Variants in ILDR1 observed in about 807,000 individuals in gnomAD.
The protein encoded by ILDR1 is immunoglobulin like domain containing receptor 1.
Under a neutral mutation model 62.4 loss-of-function variants are expected in ILDR1, and 56 were observed. The ratio of observed to expected loss-of-function variants is 0.90; its 90% CI spans 0.72 to 1.12. The LOEUF is 1.12. Among genes scored for constraint, ILDR1 ranks in the 50% most tolerant of loss-of-function variants. The probability of loss-of-function intolerance (pLI) is 0.00; values close to 1 mark genes in which losing one functional copy is unlikely to be tolerated. For synonymous variants in ILDR1, 284 were observed against 277.8 expected (o/e 1.02, Z -0.22); for missense variants, 736 against 710.6 (o/e 1.04, Z -0.41).
chr3:122,052,650 T>G, the ILDR1 span, among the ~76,000 whole-genome samples: 1 of 152,168 alleles, frequency 6.6e-6, no homozygotes, highest in African/African-American at 2.4e-5. Context: ...CTCGGCTCAC[T>G]GCAACCTCCG....
the ILDR1 span, among the ~76,000 whole-genome samples, chr3:122,044,970 T>A: frequency 1.3e-5 from 2 of 149,322 alleles, no homozygotes; most frequent in African/African-American, 4.9e-5. Flanking sequence ...CTTTTGAATG[T>A]GTTTGCTCTT....
chr3:122,035,931 G>C, the ILDR1 span, among the ~76,000 whole-genome samples: 1 of 152,208 alleles, frequency 6.6e-6, no homozygotes, highest in Non-Finnish European at 1.5e-5. Context: ...GGAGGGCTCA[G>C]AAGAAGATAG....
the ILDR1 span, among the ~76,000 whole-genome samples, chr3:122,061,154 G>A: frequency 5.9e-5 from 9 of 152,198 alleles, no homozygotes; most frequent in African/African-American, 1.4e-4. Context: ...GTCAATACAC[G>A]CCAGAAAATG....
the ILDR1 span, among the ~76,000 whole-genome samples, chr3:122,052,596 C>T: frequency 0.17 from 26,512 of 152,106 alleles, 2,478 homozygotes; most frequent in South Asian, 0.26. Context: ...TGTTTTGAGA[C>T]GGAGCGTCGC....
chr3:122,032,936 C>A, the ILDR1 span, among the ~76,000 whole-genome samples: 1 of 152,214 alleles, frequency 6.6e-6, no homozygotes, highest in Admixed American at 6.5e-5. Context: ...AACCATACAG[C>A]CAAGCTGCTG....
chr3:122,010,345 C>T lies in ILDR1; in HGVS notation c.59-3184G>A, dbSNP rs148276778. Among the ~76,000 whole-genome samples the T allele has an allele frequency of 2.3e-3, 343 of 152,158 alleles. 1 individual carries two copies. The highest frequency in any genetic ancestry group is 7.8e-3 in the African/African-American group (326 of 41,536). On this transcript the variant is annotated intron_variant, in intron 1 of 7. Coordinates refer to ENST00000344209, the MANE Select transcript of ILDR1 (RefSeq NM_001199799.2). ...CATCACTGAAGTCTTTTCTGAAGAA[C>T]AGTAATACAGTGAAAGTGGTGTTTT...
Position 121,988,288 on chromosome 3 carries a change from A to C in ILDR1, c.*79T>G, listed in dbSNP as rs1324737190. On this transcript the variant is annotated 3_prime_UTR_variant, in exon 8 of 8. Coordinates refer to ENST00000344209, the MANE Select transcript of ILDR1 (RefSeq NM_001199799.2). ...GTTAGACTCAGACTTGCAGTTCCCA[A>C]GTCAGCTGGAAACCTAGGTGATGCT... The C allele has an allele frequency of 1.7e-6, 2 of 1,199,554 alleles. No individual in the cohort carries two copies. The highest frequency in any genetic ancestry group is 1.5e-5 in the African/African-American group (1 of 66,986). The allele number at this position is 1,199,554 out of a possible 1,614,324, so 74.3% of individuals were successfully genotyped here.
intron 4 of ILDR1, 76 bp downstream of exon 4, chr3:122,001,667 GTT>G (rs35657414): frequency 0.019 from 25,861 of 1,381,994 alleles, no homozygotes; most frequent in East Asian, 0.048. Flanking sequence ...CTTATTTCTG[GTT>G]TTTTTTTTTT....
chr3:122,044,568 A>T, the ILDR1 span, among the ~76,000 whole-genome samples: 1 of 151,140 alleles, frequency 6.6e-6, no homozygotes, highest in African/African-American at 2.4e-5. Context: ...TGGTTGGTAA[A>T]CTATTGATTA....
intron 1 of ILDR1, among the ~76,000 whole-genome samples, chr3:122,015,508 T>C (rs924481236): frequency 2.6e-5 from 4 of 152,056 alleles, no homozygotes; most frequent in African/African-American, 7.3e-5. Flanking sequence ...CTTGGGGTGG[T>C]TTCCCCATTC....
the ILDR1 span, among the ~76,000 whole-genome samples, chr3:122,047,768 C>T: frequency 5.3e-5 from 8 of 152,362 alleles, no homozygotes; most frequent in South Asian, 2.1e-4. Context: ...CGCCCTGCTT[C>T]GGCTTGCGCA....
the ILDR1 span, among the ~76,000 whole-genome samples, chr3:122,029,709 G>A: frequency 0.23 from 34,644 of 151,508 alleles, 4,362 homozygotes; most frequent in African/African-American, 0.32. Context: ...GATAGATGGT[G>A]CCTATTATTT....
intron 1 of ILDR1, among the ~76,000 whole-genome samples, chr3:122,008,564 ATTTCT>A (rs1220519103): frequency 0.037 from 4,581 of 124,504 alleles, 111 homozygotes; most frequent in African/African-American, 0.067. Context: ...CGCATTTTTT[ATTTCT>A]TTTCTTTTCT....
the ILDR1 span, among the ~76,000 whole-genome samples, chr3:122,032,887 C>A: frequency 2.6e-5 from 4 of 152,292 alleles, no homozygotes; most frequent in East Asian, 7.7e-4. Flanking sequence ...GGAAGAAATG[C>A]CACCTTGACT....
chr3:122,056,194 A>G, the ILDR1 span, among the ~76,000 whole-genome samples: 1 of 152,100 alleles, frequency 6.6e-6, no homozygotes, highest in Non-Finnish European at 1.5e-5. Flanking sequence ...ACTATTCATA[A>G]GGGGTAGAGC....
chr3:122,002,296 C>T (rs2107657073), intron 3 of ILDR1, among the ~76,000 whole-genome samples: 1 of 152,284 alleles, frequency 6.6e-6, no homozygotes, highest in East Asian at 1.9e-4. Context: ...GGCCTAATAA[C>T]ATGGAGACAA....
chr3:122,046,412 T>C, the ILDR1 span, among the ~76,000 whole-genome samples: 1 of 149,848 alleles, frequency 6.7e-6, no homozygotes, highest in Admixed American at 6.7e-5. Context: ...GTTGTTCTTC[T>C]CGAGGAGTAT....
chr3:122,021,916 C>A, intron 1 of ILDR1, 104 bp downstream of exon 1: 1 of 1,132,114 alleles, frequency 8.8e-7, no homozygotes, highest in Non-Finnish European at 1.3e-6. Context: ...CAGAGCGCGG[C>A]CCAGGCCTCC....
At chr3:122,052,761 G>A in the ILDR1 span, among the ~76,000 whole-genome samples, 1 of 152,172 alleles carries the variant, frequency 6.6e-6, no homozygotes, top group Non-Finnish European at 1.5e-5. Flanking sequence ...TAGAGATGGG[G>A]TTTCACCATG....
Sources: allele counts gnomAD v4.1 joint callset (sites outside exome capture counted in the v4.1 genomes callset), GRCh38; gene constraint gnomAD v4.1.1; transcripts MANE v1.5; gene names NCBI Gene and HGNC (gene_info 2026-07-23, HGNC 2026-07-21).